The following GHRH variants were observed in gnomAD, a reference collection of about 807,000 sequenced individuals.
The protein encoded by GHRH is somatoliberin.
GHRH carries 7 observed loss-of-function variants against 15.6 expected under a neutral mutation model. The ratio of observed to expected loss-of-function variants is 0.45; its 90% CI spans 0.26 to 0.84. The LOEUF (loss-of-function observed/expected upper bound fraction) is 0.84. Ranked by LOEUF, GHRH falls within the 40% of genes least tolerant of loss-of-function variation. The pLI is 0.18. For missense variants in GHRH, 117 were observed against 138.0 expected (o/e 0.85, Z 0.76); for synonymous variants, 54 against 50.4 (o/e 1.07, Z -0.30).
intron 3 of GHRH, 85 bp from the exon 4 acceptor site, chr20:37,254,414 C>G (rs916980317): frequency 1.5e-6 from 2 of 1,360,586 alleles, no homozygotes; most frequent in African/African-American, 1.4e-5. Flanking sequence ...ATTTCAATAT[C>G]TGGTGTGGAC....
At chr20:37,257,988 T>G (rs1481555964) in intron 1 of GHRH, among the ~76,000 whole-genome samples, 1 of 152,224 alleles carries the variant, frequency 6.6e-6, no homozygotes, top group Non-Finnish European at 1.5e-5. Context: ...GCTGAAGAGT[T>G]TTAGTCCTGG....
intron 4 of GHRH, among the ~76,000 whole-genome samples, chr20:37,252,494 C>T (rs771458652): frequency 2.0e-5 from 3 of 152,136 alleles, no homozygotes; most frequent in Non-Finnish European, 4.4e-5. Context: ...AGGCCGGGTG[C>T]GGTGGCTCAT....
chr20:37,254,202 AC>A lies in GHRH; in HGVS notation c.308+7del. On this transcript the variant is annotated splice_region_variant and intron_variant, in intron 4 of 4. Coordinates refer to ENST00000373614, the MANE Select transcript of GHRH (RefSeq NM_021081.6). ...TCCCTAGATGCACCCATGCACACAC[AC>A]CCATACCTGTGCTTCTGCAGCAGGG... The A allele has an allele frequency of 6.2e-7, 1 of 1,613,928 alleles. No individual in the cohort carries two copies. The highest frequency in any genetic ancestry group is 2.2e-5 in the East Asian group (1 of 44,872).
At chr20:37,252,293 T>C (rs2068625883) in intron 4 of GHRH, among the ~76,000 whole-genome samples, 1 of 152,186 alleles carries the variant, frequency 6.6e-6, no homozygotes, top group African/African-American at 2.4e-5. Flanking sequence ...TCTCCTGTCA[T>C]CTGCCGTAGG....
At chr20:37,259,730 C>T (rs1043786532) in intron 1 of GHRH, among the ~76,000 whole-genome samples, 3 of 152,208 alleles carry the variant, frequency 2.0e-5, no homozygotes, top group Non-Finnish European at 4.4e-5. Context: ...CCATGCTCCT[C>T]TTACAGCCAA....
In GHRH at chr20:37,256,976, C is replaced by A. The variant is rs546950984; in HGVS notation, c.-19-68G>T. ...ATTGGGATGGCCTTCACTGGCCCAG[C>A]CCTGGGCTTGGCTCCATGGCAAGCC... On this transcript the variant is annotated intron_variant, in intron 1 of 4. Transcript: ENST00000373614. 93 of 981,622 alleles carry A rather than the reference C, an allele frequency of 9.5e-5. No individual in the cohort carries two copies. The African/African-American group carries it at 1.4e-3, about 15-fold the overall frequency. 60.8% of individuals were successfully genotyped at this position (981,622 alleles called of 1,614,324 possible).
chr20:37,256,978 C>T, intron 1 of GHRH, 70 bp from the exon 2 acceptor site: 2 of 931,302 alleles, frequency 2.1e-6, no homozygotes, highest in Non-Finnish European at 3.4e-6. Flanking sequence ...TGGCCCAGCC[C>T]TGGGCTTGGC....
At chr20:37,251,330 G>T in intron 4 of GHRH, 99 bp from the exon 5 acceptor site, 2 of 964,432 alleles carry the variant, frequency 2.1e-6, no homozygotes, top group Non-Finnish European at 3.1e-6. Context: ...CGTGACAGGA[G>T]CTGGCCTTTT....
chr20:37,260,713 A>C (rs916570966), intron 1 of GHRH, among the ~76,000 whole-genome samples: 1 of 152,242 alleles, frequency 6.6e-6, no homozygotes, highest in Non-Finnish European at 1.5e-5. Flanking sequence ...AAGGCACTCC[A>C]GAGTTTATAA....
In GHRH at chr20:37,256,435, G is replaced by A. The variant is rs150553254; in HGVS notation, c.147C>T (p.Ser49=). Residue 49 remains serine, a synonymous_variant, in exon 3 of 5, where the codon TCC becomes TCT. Coordinates refer to ENST00000373614, the MANE Select transcript of GHRH (RefSeq NM_021081.6). ...NSYRKVLGQL[S]ARKLLQDIMS... ...TGATGTCCTGGAGCAGCTTGCGGGC[G>A]GACAGCTGGCCCAGCACCTTCCGGT... The A allele has an allele frequency of 6.0e-4, 973 of 1,613,344 alleles. 3 individuals are homozygous for A. In the African/African-American group the frequency reaches 6.2e-3, roughly 10 times the overall value.
intron 4 of GHRH, among the ~76,000 whole-genome samples, chr20:37,253,810 G>C (rs2068637371): frequency 6.6e-6 from 1 of 152,130 alleles, no homozygotes; most frequent in South Asian, 2.1e-4. Flanking sequence ...GAGTGTAATG[G>C]TGCGATCTCA....
At chr20:37,255,205 A>G (rs1600871898) in intron 3 of GHRH, among the ~76,000 whole-genome samples, 1 of 152,170 alleles carries the variant, frequency 6.6e-6, no homozygotes, top group East Asian at 1.9e-4. Context: ...ATGTGATAAA[A>G]TGTTAGGAAT....
chr20:37,260,397 TA>T (rs2068681335), intron 1 of GHRH, among the ~76,000 whole-genome samples: 1 of 129,062 alleles, frequency 7.7e-6, no homozygotes, highest in Admixed American at 7.8e-5. Flanking sequence ...ACCCCATCTC[TA>T]CAAAAAAAAA....
chr20:37,255,738 A>C (rs2068652247), intron 3 of GHRH, among the ~76,000 whole-genome samples: 1 of 151,696 alleles, frequency 6.6e-6, no homozygotes, highest in Admixed American at 6.6e-5. Flanking sequence ...AGATTAAAGA[A>C]GAAACTAAAA....
chr20:37,259,124 T>C (rs6032470), intron 1 of GHRH, among the ~76,000 whole-genome samples: 36,376 of 152,144 alleles, frequency 0.24, 6,238 homozygotes, highest in African/African-American at 0.48. Context: ...AAGCCTCTAC[T>C]GTTCCGGTAA....
chr20:37,253,756 T>C (rs566821582), intron 4 of GHRH, among the ~76,000 whole-genome samples: 92 of 152,256 alleles, frequency 6.0e-4, no homozygotes, highest in Admixed American at 9.8e-4. Flanking sequence ...TAGTTCTTCT[T>C]CTTTTTTTAT....
Position 37,254,221 on chromosome 20 carries a change from C to T in GHRH, c.297G>A (p.Leu99=), listed in dbSNP as rs28932186. 27 of 1,614,194 alleles carry T rather than the reference C, an allele frequency of 1.7e-5. No individual in the cohort carries two copies. In the African/African-American group the frequency reaches 3.3e-4, roughly 20 times the overall value. Residue 99 remains leucine (L), a synonymous_variant, in exon 4 of 5, where the codon CTG becomes CTA. Coordinates refer to ENST00000373614, the MANE Select transcript of GHRH (RefSeq NM_021081.6). ...ACACACACCCATACCTGTGCTTCTG[C>T]AGCAGGGCCACCAGGATGCTCTCCA... ...MELESILVAL[L]QKHSRNSQG is the part of the protein sequence containing the mutation.
chr20:37,256,529 G>A (rs371555766), intron 2 of GHRH, 31 bp from the exon 3 acceptor site: 8 of 1,413,392 alleles, frequency 5.7e-6, no homozygotes, highest in African/African-American at 2.8e-5. Flanking sequence ...GTCAGAGGGC[G>A]GGGTGGAGGC....
rs1194918315 is a variant in GHRH at position 37,254,342 on chromosome 20, A to G, written c.189-13T>C. 3.1e-6 allele frequency: 5 copies of G among 1,613,882 alleles called. No individual in the cohort carries two copies. In the African/African-American group the frequency reaches 5.3e-5, roughly 17 times the overall value. Reference sequence around the variant, plus strand: ...TTGGTTGCTCTCTCTGTGTGGTTAGAAAAAGAGAACTAGTTGCTATTTGGG... The same window carrying G: ...TTGGTTGCTCTCTCTGTGTGGTTAGGAAAAGAGAACTAGTTGCTATTTGGG... On this transcript the variant is annotated splice_polypyrimidine_tract_variant and intron_variant, in intron 3 of 4. Transcript: ENST00000373614.
Sources: allele counts gnomAD v4.1 joint callset (sites outside exome capture counted in the v4.1 genomes callset), GRCh38; gene constraint gnomAD v4.1.1; transcripts MANE v1.5; gene names NCBI Gene and HGNC (gene_info 2026-07-23, HGNC 2026-07-21).